ATXN2L: variants seen among roughly 807,000 people sequenced by gnomAD.
ATXN2L encodes the protein ataxin 2 like.
In ATXN2L, 24 loss-of-function variants were observed where a neutral mutation model predicts 120.7. The ratio of observed to expected loss-of-function variants is 0.20; its 90% CI spans 0.14 to 0.28. The LOEUF is 0.28. Ranked by LOEUF, ATXN2L falls within the 10% of genes least tolerant of loss-of-function variation. The pLI, the probability that ATXN2L is intolerant of heterozygous loss-of-function variation, is 1.00. For missense variants in ATXN2L, 1,312 were observed against 1,432.3 expected, an observed-to-expected ratio of 0.92 and a Z score of 1.36; for synonymous variants, 653 against 568.1, an observed-to-expected ratio of 1.15 and a Z score of -2.13.
intron 5 of ATXN2L, 159 bp from the exon 6 acceptor site, chr16:28,826,703 T>C (rs2052181702): frequency 1.2e-6 from 1 of 839,650 alleles, no homozygotes. Flanking sequence ...CTTCTTCTCT[T>C]GCCTCCCCAC....
At chr16:28,828,511 A>G (rs568609974) in intron 6 of ATXN2L, among the ~76,000 whole-genome samples, 13 of 151,920 alleles carry the variant, frequency 8.6e-5, no homozygotes, top group Admixed American at 7.2e-4. Context: ...GCTTGAACCC[A>G]AGGAGACGGA....
intron 1 of ATXN2L, chr16:28,824,714 C>T (rs989143702): frequency 6.7e-6 from 4 of 600,698 alleles, no homozygotes; most frequent in East Asian, 9.3e-5. Flanking sequence ...AGCTTTTGCC[C>T]TCACAGCTGG....
At chr16:28,824,835 T>C (rs1399566506) in intron 1 of ATXN2L, among the ~76,000 whole-genome samples, 1 of 152,178 alleles carries the variant, frequency 6.6e-6, no homozygotes, top group Middle Eastern at 3.2e-3. Context: ...TGAGATCTTT[T>C]TGCTGGCATT....
intron 1 of ATXN2L, chr16:28,824,550 A>T: frequency 1.6e-6 from 2 of 1,286,826 alleles, no homozygotes; most frequent in Non-Finnish European, 2.0e-6. Flanking sequence ...AGAGTGGGTA[A>T]CGGGCTGAAT....
rs1960577230 is a variant in ATXN2L, at chr16:28,836,113, C to T, written c.3076C>T (p.His1026Tyr). ...ACCCTCACCCTACCCCTACATCGGACACCCCCAAGGTGAGCAGCCTGGCCA... is the reference window on the plus strand; with the variant it reads ...ACCCTCACCCTACCCCTACATCGGATACCCCCAAGGTGAGCAGCCTGGCCA... ...STPSPYPYIG[H>Y]PQGEQPGQAP... The change falls in exon 22 of 22, where the codon CAC (histidine) becomes TAC (tyrosine). Residue 1026 changes from histidine to tyrosine, a missense_variant. Coordinates refer to ENST00000336783, the MANE Select transcript of ATXN2L (RefSeq NM_007245.4). The T allele has an allele frequency of 6.2e-7, 1 of 1,614,148 alleles. No individual in the cohort carries two copies. Among genetic ancestry groups the T allele is most frequent in the Non-Finnish European group, 8.5e-7 (1 of 1,180,000 alleles).
intron 15 of ATXN2L, 78 bp downstream of exon 15, chr16:28,833,586 G>A (rs2152087925): frequency 1.4e-6 from 2 of 1,417,442 alleles, no homozygotes; most frequent in East Asian, 2.3e-5. Context: ...ATAGGGGGAG[G>A]AACACTTCAC....
intron 1 of ATXN2L, 136 bp downstream of exon 1, chr16:28,823,694 C>T (rs2050435104): frequency 7.4e-6 from 7 of 949,076 alleles, no homozygotes; most frequent in Admixed American, 4.3e-5. Context: ...TGGGGGAGGG[C>T]CCCCTCAGGT....
chr16:28,826,053 T>G, intron 4 of ATXN2L, 187 bp from the exon 5 acceptor site: 2 of 824,846 alleles, frequency 2.4e-6, no homozygotes, highest in Middle Eastern at 3.6e-4. Flanking sequence ...GTGAGACTTT[T>G]GCTAAGTCCT....
chr16:28,828,547 A>T (rs1036779781), intron 6 of ATXN2L, among the ~76,000 whole-genome samples: 1 of 151,234 alleles, frequency 6.6e-6, no homozygotes, highest in South Asian at 2.1e-4. Context: ...AGATCGCACC[A>T]TTGCACTCCA....
intron 14 of ATXN2L, 31 bp downstream of exon 14, chr16:28,833,385 A>G: frequency 6.2e-7 from 1 of 1,613,748 alleles, no homozygotes; most frequent in Non-Finnish European, 8.5e-7. Context: ...CTCTGGGAGG[A>G]TGGCAGGAGG....
chr16:28,834,528 G>A lies in ATXN2L; in HGVS notation c.2268G>A (p.Ser756=), dbSNP rs1287654289. The A allele has an allele frequency of 9.9e-6, 16 of 1,610,664 alleles. No homozygotes were observed. Among genetic ancestry groups the A allele is most frequent in the South Asian group, 7.7e-5 (7 of 90,978 alleles). Reference sequence around the variant, plus strand: ...CAGGCTCCCTTCCTCCGCAGCGCTCGGACCAACACCAGCCAGCCTCAGCCC... The same window carrying A: ...CAGGCTCCCTTCCTCCGCAGCGCTCAGACCAACACCAGCCAGCCTCAGCCC... The part of the protein sequence containing the change: ...GAKGSLPPQR[S]DQHQPASAPP... The change falls in exon 18 of 22, where the codon TCG becomes TCA. Residue 756 remains serine, a synonymous_variant. Transcript: ENST00000336783.
At chr16:28,824,169 G>A (rs1006251286) in intron 1 of ATXN2L, 11 of 1,024,588 alleles carry the variant, frequency 1.1e-5, no homozygotes, top group Non-Finnish European at 1.2e-5. Flanking sequence ...GTGGATGCTC[G>A]GTCTCATGAC....
At chr16:28,835,826 T>A in intron 21 of ATXN2L, 68 bp downstream of exon 21, 1 of 1,602,208 alleles carries the variant, frequency 6.2e-7, no homozygotes, top group Non-Finnish European at 8.5e-7. Flanking sequence ...GACCATCCCA[T>A]TGCCAAGTCC....
chr16:28,826,815 TCTGTGAAATATAG>T, intron 5 of ATXN2L, 34 bp from the exon 6 acceptor site: 3 of 1,492,092 alleles, frequency 2.0e-6, no homozygotes, highest in Non-Finnish European at 2.7e-6. Flanking sequence ...TGGAAAGAAG[TCTGTGAAATATAG>T]CCTGACTCCT....
rs1456054326 is a variant in ATXN2L at position 28,823,304 on chromosome 16, G to A, written c.45G>A (p.Gln15=). 2 of 1,493,292 alleles carry A rather than the reference G, an allele frequency of 1.3e-6. No individual in the cohort carries two copies. Among genetic ancestry groups the A allele is most frequent in the Non-Finnish European group, 1.8e-6 (2 of 1,122,884 alleles). The allele number at this position is 1,493,292 out of a possible 1,614,324, so 92.5% of individuals were successfully genotyped here. Residue 15 remains glutamine, a synonymous_variant, in exon 1 of 22, where the codon CAG becomes CAA. Coordinates refer to ENST00000336783, the MANE Select transcript of ATXN2L (RefSeq NM_007245.4). The stretch of plus-strand genomic sequence containing the variant: ...TACAACAGCCCTCCCAGCCCCAGCA[G>A]CCGCCCCCCACGCAACAGGCCGTGG... ...QPLQQPSQPQ[Q]PPPTQQAVAR...
In ATXN2L at chr16:28,835,544, A is replaced by G; in HGVS notation, c.2686-5A>G. ...TGTGGCACTCAACCTTCCCCTCCCC[A>G]GCAGCATCAGGCGGGGCAGGCCCCA... On this transcript the variant is annotated splice_region_variant and splice_polypyrimidine_tract_variant and intron_variant, in intron 20 of 21. Coordinates refer to ENST00000336783, the MANE Select transcript of ATXN2L (RefSeq NM_007245.4). 1 of 1,613,288 alleles carries G rather than the reference A, an allele frequency of 6.2e-7. No homozygotes were observed. Among genetic ancestry groups the G allele is most frequent in the Non-Finnish European group, 8.5e-7 (1 of 1,179,854 alleles).
intron 6 of ATXN2L, 102 bp from the exon 7 acceptor site, chr16:28,829,299 A>G (rs2053502402): frequency 1.2e-6 from 1 of 813,420 alleles, no homozygotes. Flanking sequence ...CACTGTGCCC[A>G]GCCAATTTGT....
chr16:28,828,517 A>G (rs986658866), intron 6 of ATXN2L, among the ~76,000 whole-genome samples: 1 of 151,504 alleles, frequency 6.6e-6, no homozygotes, highest in Non-Finnish European at 1.5e-5. Flanking sequence ...ACCCAAGGAG[A>G]CGGAGGTTGC....
At chr16:28,829,334 A>G in intron 6 of ATXN2L, 67 bp from the exon 7 acceptor site, 1 of 1,110,492 alleles carries the variant, frequency 9.0e-7, no homozygotes, top group Non-Finnish European at 1.4e-6. Flanking sequence ...TTTTAACCTG[A>G]TGGAAGGGAA....
Sources: gnomAD v4.1 joint callset for allele counts (sites outside exome capture counted in the v4.1 genomes callset) on GRCh38, gnomAD v4.1.1 for gene constraint, MANE v1.5 for transcripts, NCBI Gene and HGNC (gene_info 2026-07-23, HGNC 2026-07-21) for gene names.